RIBC2: variants seen among roughly 807,000 people sequenced by gnomAD.
The protein encoded by RIBC2 is RIB43A-like with coiled-coils protein 2.
A neutral mutation model predicts 44.3 loss-of-function variants in RIBC2; 40 were observed. That is an observed-to-expected ratio of 0.90 (90% CI 0.70 to 1.18). The LOEUF is 1.18. Among genes scored for constraint, RIBC2 ranks in the 50% most tolerant of loss-of-function variants. The probability of loss-of-function intolerance (pLI) is 0.00; values close to 1 mark genes in which losing one functional copy is unlikely to be tolerated. For missense variants in RIBC2, 459 were observed against 485.5 expected (o/e 0.95, Z 0.51); for synonymous variants, 171 against 175.0 (o/e 0.98, Z 0.18).
chr22:45,426,516 G>T lies in RIBC2; in HGVS notation c.903+341G>T, dbSNP rs554229763. Among the ~76,000 whole-genome samples, 14 of 152,388 alleles carry T rather than the reference G, an allele frequency of 9.2e-5. No homozygotes were observed. In the East Asian group the frequency reaches 2.7e-3, roughly 29 times the overall value. Reference sequence around the variant, plus strand: ...AAGGCCTTGAGGCAGGACCCTGCCAGACCTGCTCAGAGAAGGGCGTGGAGC... The same window carrying T: ...AAGGCCTTGAGGCAGGACCCTGCCATACCTGCTCAGAGAAGGGCGTGGAGC... On this transcript the variant is annotated intron_variant, in intron 5 of 6. Transcript: ENST00000614167.
intron 4 of RIBC2, among the ~76,000 whole-genome samples, chr22:45,424,763 T>C (rs954108757): frequency 1.0e-4 from 15 of 149,776 alleles, no homozygotes; most frequent in African/African-American, 3.7e-4. Context: ...CTTTTTTTTT[T>C]TTTTTTTTGA....
chr22:45,426,908 C>T (rs1338799362), intron 5 of RIBC2, among the ~76,000 whole-genome samples: 1 of 151,874 alleles, frequency 6.6e-6, no homozygotes, highest in Non-Finnish European at 1.5e-5. Flanking sequence ...GGATTGGATG[C>T]ATGATTGGGT....
chr22:45,415,303 G>A (rs1362079153), intron 2 of RIBC2, among the ~76,000 whole-genome samples: 1 of 151,568 alleles, frequency 6.6e-6, no homozygotes, highest in Non-Finnish European at 1.5e-5. Context: ...GGGCTGTTAT[G>A]TTTTTAAAAT....
At chr22:45,425,115 C>T (rs1977045) in intron 4 of RIBC2, among the ~76,000 whole-genome samples, 93,207 of 151,362 alleles carry the variant, frequency 0.62, 30,967 homozygotes, top group African/African-American at 0.87. Flanking sequence ...AGCGAGACTC[C>T]GTCTCAAAAA....
At chr22:45,426,315 G>A (rs1490279403) in intron 5 of RIBC2, 140 bp downstream of exon 5, 1 of 704,914 alleles carries the variant, frequency 1.4e-6, no homozygotes, top group Non-Finnish European at 2.3e-6. Context: ...TCTAGTCGGT[G>A]GGAGACAAGA....
chr22:45,426,180 C>T lies in RIBC2; in HGVS notation c.903+5C>T, dbSNP rs2087533256. On this transcript the variant is annotated splice_donor_5th_base_variant and intron_variant, in intron 5 of 6. Transcript: ENST00000614167. ...CAGCAAATCCAGGAGAAGCTGGTGACTGCCCCGCCCCTTTTTCCAGAGCCC... is the reference window on the plus strand; with the variant it reads ...CAGCAAATCCAGGAGAAGCTGGTGATTGCCCCGCCCCTTTTTCCAGAGCCC... 1 of 1,609,446 alleles carries T rather than the reference C, an allele frequency of 6.2e-7. No homozygotes were observed. The highest frequency in any genetic ancestry group is 8.5e-7 in the Non-Finnish European group (1 of 1,177,520).
At position 45,421,604 on chromosome 22, in the gene RIBC2, A is replaced by T. The variant is rs534473432; in HGVS notation, c.557-686A>T. ...ATTAATAATAATAATAGTATTATTA[A>T]TAATAATAATGTTATTATTCTGCAA... On this transcript the variant is annotated intron_variant, in intron 3 of 6. Transcript: ENST00000614167. Among the ~76,000 whole-genome samples the T allele has an allele frequency of 1.9e-3, 263 of 140,924 alleles. 4 individuals are homozygous for T. The highest frequency in any genetic ancestry group is 6.2e-3 in the African/African-American group (224 of 36,150). The allele number at this position is 140,924 out of a possible 152,430, so 92.5% of individuals were successfully genotyped here. A position where few individuals can be genotyped will look rare whatever the true frequency, so the allele number is the denominator to read the frequency against.
chr22:45,429,936 A>G (rs998754606), intron 5 of RIBC2, among the ~76,000 whole-genome samples: 3 of 152,022 alleles, frequency 2.0e-5, no homozygotes, highest in Admixed American at 6.5e-5. Flanking sequence ...GGTAACTGGG[A>G]AAGTTGAGAT....
intron 4 of RIBC2, among the ~76,000 whole-genome samples, chr22:45,423,093 C>T (rs369706981): frequency 1.3e-5 from 2 of 152,110 alleles, no homozygotes; most frequent in African/African-American, 2.4e-5. Context: ...ATGATCCCCC[C>T]ACCTGAGCCA....
intron 2 of RIBC2, among the ~76,000 whole-genome samples, chr22:45,415,521 C>A (rs1488877869): frequency 1.3e-5 from 2 of 151,874 alleles, no homozygotes; most frequent in South Asian, 4.1e-4. Flanking sequence ...ATGTACCCAC[C>A]ATCAGACTAG....
intron 2 of RIBC2, 92 bp downstream of exon 2, chr22:45,414,495 TTTTTA>T: frequency 2.6e-6 from 2 of 773,930 alleles, no homozygotes; most frequent in Non-Finnish European, 3.9e-6. Context: ...CGCCTTTTTT[TTTTTA>T]TTTTTTATTT....
chr22:45,427,991 C>A (rs369271701), intron 5 of RIBC2, among the ~76,000 whole-genome samples: 156 of 152,348 alleles, frequency 1.0e-3, no homozygotes, highest in African/African-American at 3.4e-3. Context: ...CCCAGCACCC[C>A]CCTTCTCACC....
chr22:45,417,838 G>T lies in RIBC2; in HGVS notation c.448G>T (p.Asp150Tyr), dbSNP rs367860677. 6.2e-7 allele frequency: 1 copy of T among 1,613,764 alleles called. No homozygotes were observed. Among genetic ancestry groups the T allele is most frequent in the East Asian group, 2.2e-5 (1 of 44,850 alleles). The change falls in exon 3 of 7, where the codon GAT (aspartate) becomes TAT (tyrosine). Residue 150 changes from aspartate to tyrosine, a missense_variant. By Grantham distance (160) the Asp-to-Tyr change is radical (BLOSUM62 -3). Transcript: ENST00000614167. ...ISGMQKFMGE[D>Y]LNFHERKKFQ... is the part of the protein sequence containing the mutation. ...AGGAATGCAGAAATTCATGGGAGAG[G>T]ATTTAAACTTCCATGAGAGGAAGAA... is the stretch of plus-strand genomic sequence containing the variant.
chr22:45,418,647 G>A (rs946489749), intron 3 of RIBC2, among the ~76,000 whole-genome samples: 4 of 152,150 alleles, frequency 2.6e-5, no homozygotes, highest in African/African-American at 7.2e-5. Flanking sequence ...ATGGAATAGT[G>A]AGGAGCTATG....
At chr22:45,427,915 G>A (rs2087548182) in intron 5 of RIBC2, among the ~76,000 whole-genome samples, 3 of 152,354 alleles carry the variant, frequency 2.0e-5, no homozygotes, top group East Asian at 1.9e-4. Context: ...GATTACAGGC[G>A]TGAGCCACCA....
At position 45,426,013 on chromosome 22, in the gene RIBC2, G is replaced by A. The variant is rs1223624790; in HGVS notation, c.741G>A (p.Glu247=). Residue 247 remains glutamate (E), a synonymous_variant, in exon 5 of 7, where the codon GAG becomes GAA. Transcript: ENST00000614167. ...KKQEQEDNLA[E]ITNLLRGDLL... ...AAGAACAAGAGGACAACTTGGCCGA[G>A]ATCACCAACCTCCTGCGTGGGGACC... 1 of 1,614,106 alleles carries A rather than the reference G, an allele frequency of 6.2e-7. No homozygotes were observed. The highest frequency in any genetic ancestry group is 8.5e-7 in the Non-Finnish European group (1 of 1,180,040).
intron 5 of RIBC2, among the ~76,000 whole-genome samples, chr22:45,430,478 G>C (rs1313235702): frequency 4.6e-5 from 7 of 152,190 alleles, no homozygotes; most frequent in Admixed American, 4.6e-4. Flanking sequence ...AGCTGCCCAG[G>C]TGATCTGCGT....
Position 45,414,355 on chromosome 22 carries a change from G to C in RIBC2, c.163G>C (p.Asp55His), listed in dbSNP as rs1222411113. 6.4e-7 allele frequency: 1 copy of C among 1,551,150 alleles called. No homozygotes were observed. Among genetic ancestry groups the C allele is most frequent in the Non-Finnish European group, 8.7e-7 (1 of 1,146,844 alleles). The part of the protein sequence containing the change: ...DTEAWDVQVH[D>H]QKIKEATEKA... ...TGAAGCCTGGGATGTTCAAGTTCAT[G>C]ACCAGAAGATAAAAGAAGCTACTGA... The change falls in exon 2 of 7, where the codon GAC becomes CAC. Residue 55 changes from aspartate (D) to histidine (H), a missense_variant. By Grantham distance (81) the Asp-to-His change is moderately conservative. Transcript: ENST00000614167.
chr22:45,430,082 A>T (rs1257365880), intron 5 of RIBC2, among the ~76,000 whole-genome samples: 1 of 152,092 alleles, frequency 6.6e-6, no homozygotes, highest in African/African-American at 2.4e-5. Context: ...ACAGCGGGGG[A>T]CACTGAGGTT....
Sources: gnomAD v4.1 joint callset for allele counts (sites outside exome capture counted in the v4.1 genomes callset) on GRCh38, gnomAD v4.1.1 for gene constraint, MANE v1.5 for transcripts, NCBI Gene and HGNC (gene_info 2026-07-23, HGNC 2026-07-21) for gene names.